The following DOCK4 variants were observed in gnomAD, a reference collection of about 807,000 sequenced individuals.
The protein encoded by DOCK4 is dedicator of cytokinesis 4, also known as dedicator of cytokinesis protein 4.
DOCK4 carries 97 observed loss-of-function variants against 268.1 expected under a neutral mutation model. The ratio of observed to expected loss-of-function variants is 0.36; its 90% CI spans 0.31 to 0.43. The LOEUF is 0.43. DOCK4 is among the 20% of genes least tolerant of loss of function. The probability of loss-of-function intolerance (pLI) is 1.00; values close to 1 mark genes in which losing one functional copy is unlikely to be tolerated. For missense variants in DOCK4, 2,145 were observed against 2,455.7 expected (o/e 0.87, Z 2.67); for synonymous variants, 954 against 887.2 (o/e 1.08, Z -1.34).
intron 13 of DOCK4, among the ~76,000 whole-genome samples, chr7:111,906,774 G>C (rs1337064701): frequency 6.6e-6 from 1 of 152,162 alleles, no homozygotes; most frequent in Non-Finnish European, 1.5e-5. Context: ...ACAGAGGCCG[G>C]AATGACTTGG....
At chr7:111,939,357 T>C (rs537458519) in intron 11 of DOCK4, among the ~76,000 whole-genome samples, 2 of 151,046 alleles carry the variant, frequency 1.3e-5, no homozygotes, top group South Asian at 4.2e-4. Flanking sequence ...CTACTAAAAA[T>C]ACAAAAAATT....
At chr7:111,837,166 C>A (rs972955130) in intron 25 of DOCK4, among the ~76,000 whole-genome samples, 3 of 151,262 alleles carry the variant, frequency 2.0e-5, no homozygotes, top group Non-Finnish European at 4.4e-5. Context: ...TAGAGAAGAA[C>A]AAAGACAAAG....
intron 1 of DOCK4, among the ~76,000 whole-genome samples, chr7:112,103,500 G>A (rs903275211): frequency 9.2e-5 from 14 of 152,328 alleles, no homozygotes; most frequent in African/African-American, 3.4e-4. Flanking sequence ...AATTAGGGCT[G>A]CAGTATATTT....
At chr7:112,018,248 G>A (rs1269353900) in intron 1 of DOCK4, among the ~76,000 whole-genome samples, 2 of 141,548 alleles carry the variant, frequency 1.4e-5, no homozygotes, top group African/African-American at 5.3e-5. Context: ...TATTTCCACT[G>A]TATAAATTCT....
Position 111,732,342 on chromosome 7 carries a change from A to G in DOCK4, c.5420-55T>C, listed in dbSNP as rs1585810164. On this transcript the variant is annotated intron_variant, in intron 51 of 52. Transcript: ENST00000428084. ...ATTAAGAAAAACCAGACGATTGACT[A>G]TCTGCACATGCCCTCTGTGTTACAA... 7 of 1,570,292 alleles carry G rather than the reference A, an allele frequency of 4.5e-6. No individual in the cohort carries two copies. The African/African-American group carries it at 5.4e-5, about 12-fold the overall frequency.
At chr7:111,895,818 A>G in intron 15 of DOCK4, 100 bp from the exon 16 acceptor site, 4 of 1,066,406 alleles carry the variant, frequency 3.8e-6, no homozygotes, top group Non-Finnish European at 4.3e-6. Flanking sequence ...CATACACAAC[A>G]GTTCCCACTA....
intron 12 of DOCK4, among the ~76,000 whole-genome samples, chr7:111,927,253 C>G (rs1343733748): frequency 2.0e-5 from 3 of 152,182 alleles, no homozygotes; most frequent in Admixed American, 6.5e-5. Context: ...GTTTGCAGAT[C>G]TGCTAGTTCT....
intron 1 of DOCK4, chr7:112,023,511 T>C (rs997297503): frequency 2.9e-6 from 1 of 350,352 alleles, no homozygotes; most frequent in Non-Finnish European, 5.6e-6. Context: ...GAGCAAAAGC[T>C]CAGGAAGAAA....
intron 1 of DOCK4, among the ~76,000 whole-genome samples, chr7:112,140,193 T>A (rs111791437): frequency 1.3e-4 from 20 of 152,098 alleles, no homozygotes; most frequent in African/African-American, 4.8e-4. Context: ...GATACTCAAG[T>A]AAAAGATTAG....
At chr7:112,027,158 G>A (rs1341064333) in intron 1 of DOCK4, among the ~76,000 whole-genome samples, 1 of 152,110 alleles carries the variant, frequency 6.6e-6, no homozygotes, top group Non-Finnish European at 1.5e-5. Flanking sequence ...CAAGCCTCTA[G>A]GACCAGAAAA....
intron 26 of DOCK4, among the ~76,000 whole-genome samples, chr7:111,832,291 G>T (rs549012049): frequency 6.6e-6 from 1 of 152,230 alleles, no homozygotes; most frequent in African/African-American, 2.4e-5. Context: ...AGTCTGGGTT[G>T]GCAGCACCTC....
At chr7:112,090,946 C>A (rs1755603843) in intron 1 of DOCK4, among the ~76,000 whole-genome samples, 2 of 152,136 alleles carry the variant, frequency 1.3e-5, no homozygotes, top group Admixed American at 6.6e-5. Flanking sequence ...GGCAGGGACC[C>A]CCTGACTCTA....
chr7:112,140,433 T>C (rs568685348), intron 1 of DOCK4, among the ~76,000 whole-genome samples: 1 of 152,236 alleles, frequency 6.6e-6, no homozygotes, highest in African/African-American at 2.4e-5. Flanking sequence ...GAGGCTGAGC[T>C]GTTGGGTTTT....
intron 20 of DOCK4, among the ~76,000 whole-genome samples, chr7:111,871,032 G>A (rs975504473): frequency 9.9e-5 from 15 of 152,224 alleles, no homozygotes; most frequent in African/African-American, 3.6e-4. Flanking sequence ...CGATGTTGGA[G>A]ACGTCGATCT....
intron 1 of DOCK4, among the ~76,000 whole-genome samples, chr7:112,091,493 C>G (rs958086396): frequency 6.6e-6 from 1 of 152,122 alleles, no homozygotes; most frequent in Non-Finnish European, 1.5e-5. Flanking sequence ...TGAAAACAGG[C>G]TTTTAGAATA....
intron 51 of DOCK4, among the ~76,000 whole-genome samples, chr7:111,734,664 T>C (rs1218768740): frequency 6.6e-6 from 1 of 152,206 alleles, no homozygotes; most frequent in Admixed American, 6.5e-5. Flanking sequence ...TAGAGGCAAC[T>C]GGAAACTTTG....
intron 13 of DOCK4, among the ~76,000 whole-genome samples, chr7:111,912,241 A>C (rs914995104): frequency 2.0e-5 from 3 of 152,228 alleles, no homozygotes; most frequent in African/African-American, 7.2e-5. Flanking sequence ...ATGGGATTTA[A>C]ACAGTGGTTT....
chr7:111,938,648 T>C (rs1233801327), intron 11 of DOCK4, among the ~76,000 whole-genome samples: 1 of 152,186 alleles, frequency 6.6e-6, no homozygotes, highest in Non-Finnish European at 1.5e-5. Flanking sequence ...ACTGTCTTAG[T>C]AGAGAACCAT....
intron 5 of DOCK4, among the ~76,000 whole-genome samples, chr7:111,992,921 A>G (rs561168405): frequency 1.3e-5 from 2 of 152,342 alleles, no homozygotes; most frequent in Admixed American, 1.3e-4. Flanking sequence ...TACAAAAAAA[A>G]AAGAAAATTT....
Sources: allele counts gnomAD v4.1 joint callset (sites outside exome capture counted in the v4.1 genomes callset), GRCh38; gene constraint gnomAD v4.1.1; transcripts MANE v1.5; gene names NCBI Gene and HGNC (gene_info 2026-07-23, HGNC 2026-07-21).